TRNP1: variants seen among roughly 807,000 people sequenced by gnomAD.
TRNP1 encodes TMF1 regulated nuclear protein 1, also known as TMF-regulated nuclear protein 1.
Under a neutral mutation model 12.2 loss-of-function variants are expected in TRNP1, and 16 were observed. That is an observed-to-expected ratio of 1.31 (90% confidence interval 0.89 to 1.99). The LOEUF (loss-of-function observed/expected upper bound fraction) is 1.99. TRNP1 is among the 30% of genes most tolerant of loss of function. The pLI is 0.00. For missense variants in TRNP1, 338 were observed against 330.4 expected (o/e 1.02, Z -0.18); for synonymous variants, 139 against 166.2 (o/e 0.84, Z 1.26).
At chr1:26,995,171 C>T (rs2082539463) in intron 1 of TRNP1, among the ~76,000 whole-genome samples, 1 of 152,218 alleles carries the variant, frequency 6.6e-6, no homozygotes, top group Non-Finnish European at 1.5e-5. Context: ...TTTTCTTATG[C>T]CGTCATGCAG....
intron 1 of TRNP1, among the ~76,000 whole-genome samples, chr1:26,996,368 T>C (rs2082545500): frequency 6.6e-6 from 1 of 152,222 alleles, no homozygotes; most frequent in Non-Finnish European, 1.5e-5. Context: ...GTTTCTCGGC[T>C]AACAGCAAGG....
At chr1:26,998,238 C>T (rs1295610916) in intron 1 of TRNP1, among the ~76,000 whole-genome samples, 1 of 151,876 alleles carries the variant, frequency 6.6e-6, no homozygotes, top group Non-Finnish European at 1.5e-5. Context: ...AAGGGGGGAG[C>T]AAAGGAAGCT....
At chr1:26,999,323 G>T (rs2082560984) in intron 1 of TRNP1, among the ~76,000 whole-genome samples, 1 of 152,226 alleles carries the variant, frequency 6.6e-6, no homozygotes, top group African/African-American at 2.4e-5. Context: ...GGCGGAGGTT[G>T]CGGTGAGCCG....
In TRNP1 at chr1:26,993,880, T is replaced by C. The variant is rs1390394721; in HGVS notation, c.94T>C (p.Ser32Pro). ...GCCGCCGCCCTGGGATCCCATGCCG[T>C]CCTCTCAGCCCCCGCCCCCAACTCC... ...SPPPPWDPMPSSQPPPPTPTL... is the reference protein window; with the variant it reads ...SPPPPWDPMPPSQPPPPTPTL... The change falls in exon 1 of 2, where the codon TCC becomes CCC. Residue 32 changes from serine (S) to proline (P), a missense_variant. Coordinates refer to ENST00000522111, the MANE Select transcript of TRNP1 (RefSeq NM_001013642.3). The C allele has an allele frequency of 7.3e-7, 1 of 1,373,004 alleles. No homozygotes were observed. The highest frequency in any genetic ancestry group is 9.3e-7 in the Non-Finnish European group (1 of 1,070,420). The allele number at this position is 1,373,004 out of a possible 1,614,324, so 85.1% of individuals were successfully genotyped here.
intron 1 of TRNP1, among the ~76,000 whole-genome samples, chr1:26,995,820 G>C (rs1200427913): frequency 6.6e-6 from 1 of 152,158 alleles, no homozygotes; most frequent in African/African-American, 2.4e-5. Context: ...GGTAGAGACC[G>C]GGTTTCTCCA....
At chr1:26,997,888 C>T (rs2082553085) in intron 1 of TRNP1, among the ~76,000 whole-genome samples, 1 of 152,122 alleles carries the variant, frequency 6.6e-6, no homozygotes, top group Non-Finnish European at 1.5e-5. Flanking sequence ...ATTGTTCCTG[C>T]CCCCAATCAT....
Position 26,993,775 on chromosome 1 carries a change from G to C in TRNP1, c.-12G>C, listed in dbSNP as rs2082528991. ...GCACCTACAGCCGCAGACCGCCGGT[G>C]GGGGGCGGGGGATGCCGGGCTGCCG... is the stretch of plus-strand genomic sequence containing the variant. On this transcript the variant is annotated 5_prime_UTR_variant, in exon 1 of 2. Coordinates refer to ENST00000522111, the MANE Select transcript of TRNP1 (RefSeq NM_001013642.3). 7.6e-7 allele frequency: 1 copy of C among 1,310,954 alleles called. No individual in the cohort carries two copies. The highest frequency in any genetic ancestry group is 9.7e-7 in the Non-Finnish European group (1 of 1,031,512). 81.2% of individuals were successfully genotyped at this position (1,310,954 alleles called of 1,614,324 possible).
intron 1 of TRNP1, among the ~76,000 whole-genome samples, chr1:26,998,579 G>A (rs60834578): frequency 2.0e-5 from 3 of 152,294 alleles, no homozygotes; most frequent in African/African-American, 7.2e-5. Context: ...TGAGAGCGGT[G>A]CAGGAGGAGG....
intron 1 of TRNP1, among the ~76,000 whole-genome samples, chr1:26,998,165 C>T (rs1050906873): frequency 4.0e-5 from 6 of 151,478 alleles, no homozygotes; most frequent in Non-Finnish European, 1.5e-5. Context: ...GGGCGGATCA[C>T]GAGGTCAGGA....
Position 27,000,485 on chromosome 1 carries a change from A to G in TRNP1, c.*781A>G, listed in dbSNP as rs2082567133. On this transcript the variant is annotated 3_prime_UTR_variant, in exon 2 of 2. Transcript: ENST00000522111. ...TGATGGCAATGTAAAACATCTAAGCAAAGTTTTAAATGAAAAAAAGGAAAC... is the reference window on the plus strand; with the variant it reads ...TGATGGCAATGTAAAACATCTAAGCGAAGTTTTAAATGAAAAAAAGGAAAC... The G allele has an allele frequency of 6.6e-6, 1 of 152,602 alleles. No individual in the cohort carries two copies. The highest frequency in any genetic ancestry group is 2.1e-4 in the South Asian group (1 of 4,836). 9.5% of individuals were successfully genotyped at this position (152,602 alleles called of 1,614,324 possible). A position where few individuals can be genotyped will look rare whatever the true frequency, so the allele number is the denominator to read the frequency against.
rs1001057569 is a variant in TRNP1 at position 26,993,781 on chromosome 1, C to T, written c.-6C>T. 3.2e-6 allele frequency: 4 copies of T among 1,234,162 alleles called. No individual in the cohort carries two copies. The highest frequency in any genetic ancestry group is 4.0e-6 in the Non-Finnish European group (4 of 997,500). The allele number at this position is 1,234,162 out of a possible 1,614,324, so 76.5% of individuals were successfully genotyped here. A position where few individuals can be genotyped will look rare whatever the true frequency, so the allele number is the denominator to read the frequency against. On this transcript the variant is annotated 5_prime_UTR_variant, in exon 1 of 2. Transcript: ENST00000522111. ...ACAGCCGCAGACCGCCGGTGGGGGG[C>T]GGGGGATGCCGGGCTGCCGCATCAG...
At position 26,993,714 on chromosome 1, in the gene TRNP1, C is replaced by G. The variant is rs1250273415; in HGVS notation, c.-73C>G. Reference sequence around the variant, plus strand: ...TCTGGGGTGGGGGCTGTGGCCGTGTCTAGCTGTTCGGGTGTGCTGTGGTCA... The same window carrying G: ...TCTGGGGTGGGGGCTGTGGCCGTGTGTAGCTGTTCGGGTGTGCTGTGGTCA... On this transcript the variant is annotated 5_prime_UTR_variant, in exon 1 of 2. Transcript: ENST00000522111. The G allele has an allele frequency of 3.2e-6, 4 of 1,235,820 alleles. No individual in the cohort carries two copies. The highest frequency in any genetic ancestry group is 4.0e-6 in the Non-Finnish European group (4 of 991,190). The allele number at this position is 1,235,820 out of a possible 1,614,324, so 76.6% of individuals were successfully genotyped here.
chr1:26,997,881 G>T (rs2082553040), intron 1 of TRNP1, among the ~76,000 whole-genome samples: 1 of 152,126 alleles, frequency 6.6e-6, no homozygotes, highest in Non-Finnish European at 1.5e-5. Context: ...GTCCTTTATT[G>T]TTCCTGCCCC....
At chr1:26,995,040 C>T (rs2082538926) in intron 1 of TRNP1, among the ~76,000 whole-genome samples, 1 of 152,220 alleles carries the variant, frequency 6.6e-6, no homozygotes, top group South Asian at 2.1e-4. Context: ...TGGAGGCTGG[C>T]ACAGGGCTGT....
rs765176447 is a variant in TRNP1, at chr1:26,993,856, C to A, written c.70C>A (p.Pro24Thr). 1 of 1,357,720 alleles carries A rather than the reference C, an allele frequency of 7.4e-7. No homozygotes were observed. Among genetic ancestry groups the A allele is most frequent in the Non-Finnish European group, 9.4e-7 (1 of 1,062,738 alleles). 84.1% of individuals were successfully genotyped at this position (1,357,720 alleles called of 1,614,324 possible). A position where few individuals can be genotyped will look rare whatever the true frequency, so the allele number is the denominator to read the frequency against. ...QEGTAEQRSP[P>T]PPWDPMPSSQ... Reference sequence around the variant, plus strand: ...GGGGACGGCAGAGCAGAGGTCGCCGCCGCCGCCCTGGGATCCCATGCCGTC... The same window carrying A: ...GGGGACGGCAGAGCAGAGGTCGCCGACGCCGCCCTGGGATCCCATGCCGTC... Residue 24 changes from proline to threonine, a missense_variant, in exon 1 of 2, where the codon CCG becomes ACG. Transcript: ENST00000522111.
At position 26,994,984 on chromosome 1, in the gene TRNP1, G is replaced by A. The variant is rs530843883; in HGVS notation, c.*142+372G>A. ...GGATGCTGCTTCCTGGCGCCGCCCAGCTCCGTGCCTTCGGGAGGACAGAAT... is the reference window on the plus strand; with the variant it reads ...GGATGCTGCTTCCTGGCGCCGCCCAACTCCGTGCCTTCGGGAGGACAGAAT... On this transcript the variant is annotated intron_variant, in intron 1 of 1. Transcript: ENST00000522111. This position sits in a 1 kb window ranked among gnomAD's most constrained non-coding sequence, Gnocchi z 6.9. 6.6e-6 allele frequency among the ~76,000 whole-genome samples: 1 copy of A among 152,230 alleles called. No individual in the cohort carries two copies. Among genetic ancestry groups the A allele is most frequent in the Non-Finnish European group, 1.5e-5 (1 of 68,038 alleles).
chr1:26,998,211 G>A (rs903837117), intron 1 of TRNP1, among the ~76,000 whole-genome samples: 25 of 146,598 alleles, frequency 1.7e-4, no homozygotes, highest in Admixed American at 2.7e-4. Flanking sequence ...GTGAAACCCC[G>A]CCTCTACTGA....
intron 1 of TRNP1, among the ~76,000 whole-genome samples, chr1:26,995,138 C>T (rs1421279889): frequency 1.3e-5 from 2 of 152,188 alleles, no homozygotes; most frequent in African/African-American, 4.8e-5. Flanking sequence ...CATACTTAGG[C>T]CCTTCTTCTT....
intron 1 of TRNP1, among the ~76,000 whole-genome samples, chr1:26,995,622 A>AT (rs1029302336): frequency 1.3e-5 from 2 of 152,144 alleles, no homozygotes; most frequent in African/African-American, 4.8e-5. Context: ...TGGAAAGATA[A>AT]TTTTTTTGTT....
Sources: allele counts gnomAD v4.1 joint callset (sites outside exome capture counted in the v4.1 genomes callset), GRCh38; gene constraint gnomAD v4.1.1; non-coding constraint Gnocchi (gnomAD v3.1); transcripts MANE v1.5; gene names NCBI Gene and HGNC (gene_info 2026-07-23, HGNC 2026-07-21).